The following LRP6 variants were observed in gnomAD, a reference collection of about 807,000 sequenced individuals.
The protein encoded by LRP6 is LDL receptor related protein 6, also known as low-density lipoprotein receptor-related protein 6.
A neutral mutation model predicts 184.1 loss-of-function variants in LRP6; 43 were observed. The observed-to-expected ratio is 0.23, with a 90% CI of 0.18 to 0.30. The LOEUF (loss-of-function observed/expected upper bound fraction) is 0.30, where lower values mean the gene tolerates loss of function less well. Among genes scored for constraint, LRP6 ranks in the 10% least tolerant of loss-of-function variants. The probability of loss-of-function intolerance (pLI) is 1.00; values close to 1 mark genes in which losing one functional copy is unlikely to be tolerated. For missense variants in LRP6, 1,571 were observed against 2,005.3 expected, an observed-to-expected ratio of 0.78 and a Z score of 4.14; for synonymous variants, 719 against 684.9, an observed-to-expected ratio of 1.05 and a Z score of -0.78.
At chr12:12,221,082 A>G (rs1228231447) in intron 2 of LRP6, among the ~76,000 whole-genome samples, 1 of 152,194 alleles carries the variant, frequency 6.6e-6, no homozygotes, top group Non-Finnish European at 1.5e-5. Flanking sequence ...TTAAGAACCA[A>G]TGTCAATATT....
At chr12:12,166,180 A>G (rs886565240) in intron 7 of LRP6, among the ~76,000 whole-genome samples, 1 of 152,156 alleles carries the variant, frequency 6.6e-6, no homozygotes, top group Non-Finnish European at 1.5e-5. Flanking sequence ...TCTAAAGGCT[A>G]ATTTGCCCAG....
chr12:12,179,363 GAT>G (rs200462176), intron 7 of LRP6, among the ~76,000 whole-genome samples: 1 of 11,550 alleles, frequency 8.7e-5, no homozygotes, highest in Non-Finnish European at 4.5e-4. Context: ...AGCAATAAAA[GAT>G]ATAGATATAG....
intron 15 of LRP6, among the ~76,000 whole-genome samples, chr12:12,142,044 A>G (rs896030028): frequency 6.6e-6 from 1 of 152,202 alleles, no homozygotes; most frequent in Non-Finnish European, 1.5e-5. Context: ...TTAACGTCTA[A>G]AAGAGAAAAA....
rs538519611 is a variant in LRP6, at chr12:12,244,433, C to T, written c.278G>A (p.Gly93Glu). 6.2e-7 allele frequency: 1 copy of T among 1,614,186 alleles called. No homozygotes were observed. The highest frequency in any genetic ancestry group is 1.7e-5 in the Admixed American group (1 of 60,018). Residue 93 changes from glycine to glutamate, a missense_variant, in exon 2 of 23, where the codon GGA (glycine) becomes GAA (glutamate). Coordinates refer to ENST00000261349, the MANE Select transcript of LRP6 (RefSeq NM_002336.3). Reference sequence around the variant, plus strand: ...TGCCAGCCCATCGGGGGACAATAATCCAGAAACAACAACATTCTGCACACT... The same window carrying T: ...TGCCAGCCCATCGGGGGACAATAATTCAGAAACAACAACATTCTGCACACT... The part of the protein sequence containing the change: ...TESVQNVVVS[G>E]LLSPDGLACD...
chr12:12,206,437 G>A lies in LRP6; in HGVS notation c.450-3037C>T, dbSNP rs148205065. On this transcript the variant is annotated intron_variant, in intron 2 of 22. Transcript: ENST00000261349. Reference sequence around the variant, plus strand: ...AGATGCCTATAGTCCCAGCTACTCGGGAGGCTGAGGCAGGAGAATGGCGTG... The same window carrying A: ...AGATGCCTATAGTCCCAGCTACTCGAGAGGCTGAGGCAGGAGAATGGCGTG... Among the ~76,000 whole-genome samples the A allele has an allele frequency of 1.1e-4, 16 of 152,082 alleles. No individual in the cohort carries two copies. The East Asian group carries it at 2.5e-3, about 24-fold the overall frequency.
intron 2 of LRP6, among the ~76,000 whole-genome samples, chr12:12,222,299 CTCACA>C: frequency 6.6e-6 from 1 of 152,106 alleles, no homozygotes; most frequent in African/African-American, 2.4e-5. Context: ...GGTGCAGTGG[CTCACA>C]CCTGTAATCC....
At chr12:12,198,664 G>C (rs1863834879) in intron 3 of LRP6, among the ~76,000 whole-genome samples, 9 of 150,780 alleles carry the variant, frequency 6.0e-5, no homozygotes, top group Admixed American at 4.7e-4. Context: ...CTCCCGAGTA[G>C]TTGTGATTAC....
chr12:12,204,452 T>C (rs977419681), intron 2 of LRP6, among the ~76,000 whole-genome samples: 1 of 152,136 alleles, frequency 6.6e-6, no homozygotes, highest in South Asian at 2.1e-4. Context: ...TCAAATTGCA[T>C]AGTACTGTAC....
At chr12:12,155,818 AAAAG>A (rs1950144232) in intron 12 of LRP6, 2 of 704,360 alleles carry the variant, frequency 2.8e-6, no homozygotes, top group Non-Finnish European at 5.1e-6. Flanking sequence ...AAAAAAAAAA[AAAAG>A]GTTAAATAAT....
chr12:12,171,186 C>G (rs1038234155), intron 7 of LRP6, among the ~76,000 whole-genome samples: 3 of 152,114 alleles, frequency 2.0e-5, no homozygotes, highest in Non-Finnish European at 4.4e-5. Flanking sequence ...CAAGGACACA[C>G]AAATAATAAT....
chr12:12,206,778 T>C (rs1003797731), intron 2 of LRP6, among the ~76,000 whole-genome samples: 9 of 151,526 alleles, frequency 5.9e-5, no homozygotes, highest in Admixed American at 2.0e-4. Flanking sequence ...TAAAATAAAA[T>C]TGGAGGTGAA....
intron 15 of LRP6, among the ~76,000 whole-genome samples, chr12:12,140,622 G>A (rs956239578): frequency 2.3e-5 from 2 of 88,486 alleles, no homozygotes; most frequent in African/African-American, 3.8e-5. Flanking sequence ...TTTTTTTTTT[G>A]AGACGGAGTT....
intron 17 of LRP6, among the ~76,000 whole-genome samples, chr12:12,133,766 T>C (rs1346807242): frequency 7.3e-6 from 1 of 136,520 alleles, no homozygotes; most frequent in African/African-American, 2.8e-5. Flanking sequence ...ATGTTATCAT[T>C]AACATAAAGA....
chr12:12,255,597 G>A (rs1264181404), intron 1 of LRP6, among the ~76,000 whole-genome samples: 2 of 132,188 alleles, frequency 1.5e-5, no homozygotes, highest in Non-Finnish European at 3.1e-5. Flanking sequence ...TTGAGACAGA[G>A]TCTCACTCTG....
At chr12:12,143,401 A>C (rs1386957313) in intron 15 of LRP6, among the ~76,000 whole-genome samples, 1 of 152,188 alleles carries the variant, frequency 6.6e-6, no homozygotes, top group East Asian at 1.9e-4. Flanking sequence ...TGGAAGGGGA[A>C]ACTCACAAGC....
At chr12:12,260,153 T>C (rs1455282230) in intron 1 of LRP6, among the ~76,000 whole-genome samples, 2 of 152,060 alleles carry the variant, frequency 1.3e-5, no homozygotes, top group Non-Finnish European at 2.9e-5. Context: ...CCGAGGCGGC[T>C]GGATCACCAG....
rs574176546 is a variant in LRP6, at chr12:12,140,196, T to TAA, written c.3398-1664_3398-1663dup. ...CAGAAGAAAACAAATAAATACCAATTAAAAAAAAAACAAAAAACCTAAAGA... is the reference window on the plus strand; with the variant it reads ...CAGAAGAAAACAAATAAATACCAATTAAAAAAAAAAAACAAAAAACCTAAAGA... On this transcript the variant is annotated intron_variant, in intron 15 of 22. Transcript: ENST00000261349. Among the ~76,000 whole-genome samples, 331 of 142,174 alleles carry TAA rather than the reference T, an allele frequency of 2.3e-3. 1 individual carries two copies. The highest frequency in any genetic ancestry group is 8.3e-3 in the African/African-American group (319 of 38,556). 93.3% of individuals were successfully genotyped at this position (142,174 alleles called of 152,430 possible). A position where few individuals can be genotyped will look rare whatever the true frequency, so the allele number is the denominator to read the frequency against.
chr12:12,131,164 G>A (rs1475970669), intron 18 of LRP6, among the ~76,000 whole-genome samples: 1 of 132,218 alleles, frequency 7.6e-6, no homozygotes, highest in African/African-American at 2.8e-5. Context: ...CTGGAGTGCA[G>A]TGGCGCGATA....
intron 1 of LRP6, among the ~76,000 whole-genome samples, chr12:12,257,442 G>A (rs867997447): frequency 1.5e-4 from 23 of 151,812 alleles, no homozygotes; most frequent in African/African-American, 5.1e-4. Flanking sequence ...TTAGCTGGGC[G>A]TGGTGGTGGG....
Sources: allele counts gnomAD v4.1 joint callset (sites outside exome capture counted in the v4.1 genomes callset), GRCh38; gene constraint gnomAD v4.1.1; transcripts MANE v1.5; gene names NCBI Gene and HGNC (gene_info 2026-07-23, HGNC 2026-07-21).